MAP3K1: variants seen among roughly 807,000 people sequenced by gnomAD.
The protein encoded by MAP3K1 is mitogen-activated protein kinase kinase kinase 1.
MAP3K1 carries 36 observed loss-of-function variants against 144.2 expected under a neutral mutation model. The observed-to-expected ratio is 0.25, with a 90% CI of 0.19 to 0.33. The LOEUF (loss-of-function observed/expected upper bound fraction) is 0.33, where lower values mean the gene tolerates loss of function less well. MAP3K1 is among the 10% of genes least tolerant of loss of function. The pLI is 1.00. For missense variants in MAP3K1, 1,650 were observed against 1,881.9 expected, an observed-to-expected ratio of 0.88 and a Z score of 2.28; for synonymous variants, 718 against 688.7, an observed-to-expected ratio of 1.04 and a Z score of -0.67.
In MAP3K1 at chr5:56,815,853, G is replaced by A. The variant is rs1237496649; in HGVS notation, c.280G>A (p.Glu94Lys). The A allele has an allele frequency of 1.4e-6, 2 of 1,401,856 alleles. No individual in the cohort carries two copies. The allele number at this position is 1,401,856 out of a possible 1,614,324, so 86.8% of individuals were successfully genotyped here. A position where few individuals can be genotyped will look rare whatever the true frequency, so the allele number is the denominator to read the frequency against. Reference sequence around the variant, plus strand: ...GGCCTCCTCGACTTCCCCGTCGCCGGAGCCCGCGGACGCAGCGGGGAGTGG... The same window carrying A: ...GGCCTCCTCGACTTCCCCGTCGCCGAAGCCCGCGGACGCAGCGGGGAGTGG... ...PPASSTSPSP[E>K]PADAAGSGTG... The change falls in exon 1 of 20, where the codon GAG becomes AAG. Residue 94 changes from glutamate (E) to lysine (K), a missense_variant. By Grantham distance (56) the Glu-to-Lys change is moderately conservative. Around this residue, in one of 6 missense-constraint regions of MAP3K1, gnomAD observed 360 missense variants for 274.7 expected, o/e 1.31. Transcript: ENST00000399503.
At chr5:56,851,347 T>A (rs1262130245) in intron 1 of MAP3K1, among the ~76,000 whole-genome samples, 2 of 152,202 alleles carry the variant, frequency 1.3e-5, no homozygotes, top group Admixed American at 6.5e-5. Flanking sequence ...GGAACAGAGA[T>A]GGGTTAAAAT....
intron 6 of MAP3K1, among the ~76,000 whole-genome samples, chr5:56,868,297 T>G (rs1561190784): frequency 6.6e-6 from 1 of 152,164 alleles, no homozygotes; most frequent in Non-Finnish European, 1.5e-5. Flanking sequence ...GCTCTATACT[T>G]GTAATTTTGC....
intron 1 of MAP3K1, among the ~76,000 whole-genome samples, chr5:56,817,589 A>G (rs935155686): frequency 1.3e-5 from 2 of 152,232 alleles, no homozygotes; most frequent in African/African-American, 4.8e-5. Flanking sequence ...TTGTACATGT[A>G]ATTTATTCTT....
At chr5:56,890,309 T>G (rs746880689) in intron 19 of MAP3K1, among the ~76,000 whole-genome samples, 6 of 152,214 alleles carry the variant, frequency 3.9e-5, no homozygotes, top group Non-Finnish European at 8.8e-5. Context: ...ATTTTCAAAT[T>G]GGCACAGTTC....
chr5:56,859,526 T>A (rs1455472302), intron 2 of MAP3K1, 189 bp from the exon 3 acceptor site: 1 of 571,186 alleles, frequency 1.8e-6, no homozygotes, highest in Non-Finnish European at 3.1e-6. Context: ...TGACTGAAAT[T>A]TGTGCAGGTA....
chr5:56,867,620 A>C (rs567893836), intron 6 of MAP3K1, among the ~76,000 whole-genome samples: 36 of 152,336 alleles, frequency 2.4e-4, no homozygotes, highest in Middle Eastern at 3.4e-3. Flanking sequence ...GAAATAATGA[A>C]GACTTTTTAA....
At chr5:56,828,771 T>C (rs975924696) in intron 1 of MAP3K1, among the ~76,000 whole-genome samples, 5 of 152,196 alleles carry the variant, frequency 3.3e-5, no homozygotes, top group Middle Eastern at 3.2e-3. Flanking sequence ...TTCTTAATGT[T>C]AATTGTATAA....
Position 56,875,282 on chromosome 5 carries a change from C to T in MAP3K1, c.1937C>T (p.Pro646Leu). 1 of 1,614,086 alleles carries T rather than the reference C, an allele frequency of 6.2e-7. No homozygotes were observed. The highest frequency in any genetic ancestry group is 2.2e-5 in the East Asian group (1 of 44,874). ...CSVLSMVCAD[P>L]VYKVYVAALK... Reference sequence around the variant, plus strand: ...GTTCTGTCAATGGTCTGTGCTGACCCTGTCTACAAAGTGTACGTTGCTGCT... The same window carrying T: ...GTTCTGTCAATGGTCTGTGCTGACCTTGTCTACAAAGTGTACGTTGCTGCT... The change falls in exon 10 of 20, where the codon CCT becomes CTT. Residue 646 changes from proline (P) to leucine (L), a missense_variant. By Grantham distance (98) the Pro-to-Leu change is moderately conservative. Transcript: ENST00000399503.
chr5:56,893,811 CT>C lies in MAP3K1; in HGVS notation c.*133del. On this transcript the variant is annotated 3_prime_UTR_variant, in exon 20 of 20. Coordinates refer to ENST00000399503, the MANE Select transcript of MAP3K1 (RefSeq NM_005921.2). ...CTATGAACGAGGCCAGTGGGGAACC[CT>C]TACCTAAGTATGTGATTGACAAATC... is the stretch of plus-strand genomic sequence containing the variant. 1.1e-6 allele frequency: 1 copy of C among 935,382 alleles called. No homozygotes were observed. Among genetic ancestry groups the C allele is most frequent in the Non-Finnish European group, 1.7e-6 (1 of 599,614 alleles). The allele number at this position is 935,382 out of a possible 1,614,324, so 57.9% of individuals were successfully genotyped here. A position where few individuals can be genotyped will look rare whatever the true frequency, so the allele number is the denominator to read the frequency against.
chr5:56,885,045 G>A (rs182236351), intron 16 of MAP3K1, among the ~76,000 whole-genome samples: 2 of 152,156 alleles, frequency 1.3e-5, no homozygotes, highest in African/African-American at 4.8e-5. Flanking sequence ...TTTTTCCAGT[G>A]TGTTTTTAAA....
In MAP3K1 at chr5:56,883,649, G is replaced by A; in HGVS notation, c.3789G>A (p.Val1263=). 1 of 1,614,010 alleles carries A rather than the reference G, an allele frequency of 6.2e-7. No homozygotes were observed. Among genetic ancestry groups the A allele is most frequent in the Non-Finnish European group, 8.5e-7 (1 of 1,179,956 alleles). Residue 1263 remains valine (V), a synonymous_variant, in exon 15 of 20, where the codon GTG becomes GTA. Coordinates refer to ENST00000399503, the MANE Select transcript of MAP3K1 (RefSeq NM_005921.2). ...AFSSCYQAQD[V]GTGTLMAVKQ... ...CTTCTTGTTATCAGGCTCAAGATGT[G>A]GGAACTGGAACTTTAATGGCTGTTA...
intron 19 of MAP3K1, among the ~76,000 whole-genome samples, chr5:56,891,368 GT>G (rs1254711071): frequency 6.6e-6 from 1 of 152,122 alleles, no homozygotes; most frequent in African/African-American, 2.4e-5. Flanking sequence ...AATTACTGGG[GT>G]AGGGAAAAGA....
At chr5:56,821,646 A>G (rs1414447022) in intron 1 of MAP3K1, among the ~76,000 whole-genome samples, 1 of 151,974 alleles carries the variant, frequency 6.6e-6, no homozygotes, top group East Asian at 1.9e-4. Context: ...ATCTTTCCAC[A>G]TAGCTGGAAC....
At chr5:56,892,127 A>G (rs1424036403) in intron 19 of MAP3K1, among the ~76,000 whole-genome samples, 1 of 152,116 alleles carries the variant, frequency 6.6e-6, no homozygotes. Context: ...CTTGGGCAGT[A>G]TGGCCATTTT....
intron 1 of MAP3K1, among the ~76,000 whole-genome samples, chr5:56,819,476 G>A (rs1746088864): frequency 6.6e-6 from 1 of 152,124 alleles, no homozygotes; most frequent in Non-Finnish European, 1.5e-5. Flanking sequence ...AGGCTGAGTC[G>A]GCTAATCAGT....
chr5:56,827,026 G>T (rs995533584), intron 1 of MAP3K1, among the ~76,000 whole-genome samples: 1 of 152,204 alleles, frequency 6.6e-6, no homozygotes, highest in Non-Finnish European at 1.5e-5. Flanking sequence ...CCCGATAAAC[G>T]TGGAGGAATG....
chr5:56,881,892 G>C lies in MAP3K1; in HGVS notation c.2692G>C (p.Glu898Gln), dbSNP rs1159858567. The C allele has an allele frequency of 6.2e-7, 1 of 1,614,108 alleles. No homozygotes were observed. Among genetic ancestry groups the C allele is most frequent in the Non-Finnish European group, 8.5e-7 (1 of 1,180,012 alleles). Reference sequence around the variant, plus strand: ...TCCCAACAACTATCTGGAAACCACAGAGAACAGTTCCCCTGAGTGCACAGT... The same window carrying C: ...TCCCAACAACTATCTGGAAACCACACAGAACAGTTCCCCTGAGTGCACAGT... ...SVPNNYLETT[E>Q]NSSPECTVHL... The change falls in exon 14 of 20, where the codon GAG (glutamate) becomes CAG (glutamine). Residue 898 changes from glutamate (E) to glutamine (Q), a missense_variant. Glu to Gln is a conservative substitution (Grantham distance 29, BLOSUM62 2). Coordinates refer to ENST00000399503, the MANE Select transcript of MAP3K1 (RefSeq NM_005921.2).
chr5:56,821,185 T>G (rs930617577), intron 1 of MAP3K1, among the ~76,000 whole-genome samples: 6 of 152,116 alleles, frequency 3.9e-5, no homozygotes, highest in Non-Finnish European at 8.8e-5. Flanking sequence ...GGTGATTGAG[T>G]TATGTTTGGT....
chr5:56,819,960 A>G (rs1179895301), intron 1 of MAP3K1, among the ~76,000 whole-genome samples: 3 of 152,236 alleles, frequency 2.0e-5, no homozygotes, highest in African/African-American at 7.2e-5. Flanking sequence ...GAAAGAAATA[A>G]TCAGGGCCGG....
Sources: allele counts gnomAD v4.1 joint callset (sites outside exome capture counted in the v4.1 genomes callset), GRCh38; gene constraint gnomAD v4.1.1; regional missense constraint gnomAD v4.1.1; transcripts MANE v1.5; gene names NCBI Gene and HGNC (gene_info 2026-07-23, HGNC 2026-07-21).